Variants in CREB5 observed in about 807,000 individuals in gnomAD.
CREB5 encodes the protein cyclic AMP-responsive element-binding protein 5.
In CREB5, 19 loss-of-function variants were observed where a neutral mutation model predicts 57.1. That is an observed-to-expected ratio of 0.33 (90% CI 0.23 to 0.49). CREB5 has a LOEUF of 0.49. Among genes scored for constraint, CREB5 ranks in the 20% least tolerant of loss-of-function variants. CREB5 has a pLI of 0.99. For missense variants in CREB5, 579 were observed against 671.6 expected (o/e 0.86, Z 1.52); for synonymous variants, 238 against 238.3 (o/e 1.00, Z 0.01).
intron 4 of CREB5, among the ~76,000 whole-genome samples, chr7:28,514,453 T>C (rs2128610963): frequency 6.6e-6 from 1 of 152,318 alleles, no homozygotes; most frequent in Non-Finnish European, 1.5e-5. Flanking sequence ...TGGAGTGCAG[T>C]GGCGCCATCT....
intron 5 of CREB5, among the ~76,000 whole-genome samples, chr7:28,640,371 T>A (rs759223093): frequency 5.9e-5 from 9 of 152,214 alleles, no homozygotes; most frequent in Non-Finnish European, 1.2e-4. Flanking sequence ...AACACTATGA[T>A]ATTGGTGAAA....
At chr7:28,811,292 G>A (rs1809107132) in intron 9 of CREB5, among the ~76,000 whole-genome samples, 1 of 152,214 alleles carries the variant, frequency 6.6e-6, no homozygotes, top group South Asian at 2.1e-4. Flanking sequence ...AGGGAGTCAA[G>A]CCACCAGAGA....
chr7:28,387,535 C>T (rs955966637), intron 1 of CREB5, among the ~76,000 whole-genome samples: 10 of 151,886 alleles, frequency 6.6e-5, no homozygotes, highest in Middle Eastern at 3.2e-3. Flanking sequence ...GTTGTCTGTT[C>T]GTTCTGATGA....
At chr7:28,593,955 C>T (rs1295677246) in intron 5 of CREB5, among the ~76,000 whole-genome samples, 1 of 152,232 alleles carries the variant, frequency 6.6e-6, no homozygotes. Context: ...AGCCAAGTAA[C>T]CACTGGTGGG....
intron 4 of CREB5, among the ~76,000 whole-genome samples, chr7:28,551,552 G>A (rs1447309059): frequency 1.3e-5 from 2 of 152,136 alleles, no homozygotes; most frequent in African/African-American, 4.8e-5. Context: ...TTTGAGCTCT[G>A]GAAAGCTCTT....
chr7:28,650,138 A>G (rs749591714), intron 5 of CREB5, among the ~76,000 whole-genome samples: 8 of 152,170 alleles, frequency 5.3e-5, no homozygotes, highest in Non-Finnish European at 7.3e-5. Context: ...CTGAAAACAC[A>G]TAATCTAATG....
intron 3 of CREB5, among the ~76,000 whole-genome samples, chr7:28,501,493 T>C (rs1233178971): frequency 6.6e-6 from 1 of 152,224 alleles, no homozygotes; most frequent in Non-Finnish European, 1.5e-5. Context: ...GGCCTTGCTC[T>C]GCAGTATTCT....
chr7:28,419,568 C>T (rs1788158740), intron 1 of CREB5, among the ~76,000 whole-genome samples: 2 of 152,164 alleles, frequency 1.3e-5, no homozygotes, highest in Non-Finnish European at 1.5e-5. Context: ...AATATTCATA[C>T]ATATACATGC....
At chr7:28,314,078 G>A (rs1172261174) in intron 1 of CREB5, among the ~76,000 whole-genome samples, 1 of 152,186 alleles carries the variant, frequency 6.6e-6, no homozygotes, top group Non-Finnish European at 1.5e-5. Context: ...GCTTTGGCCA[G>A]GGTCTCATTT....
chr7:28,609,750 AC>A (rs1169193627), intron 5 of CREB5, among the ~76,000 whole-genome samples: 1 of 152,224 alleles, frequency 6.6e-6, no homozygotes, highest in Non-Finnish European at 1.5e-5. Context: ...AAGGTCGTGT[AC>A]TTGTCTGCTG....
Position 28,724,440 on chromosome 7 carries a change from T to C in CREB5, c.702+108T>C, listed in dbSNP as rs372298542. 4.4e-3 allele frequency: 3,990 copies of C among 901,590 alleles called. 20 individuals carry two copies. Among genetic ancestry groups the C allele is most frequent in the Non-Finnish European group, 5.5e-3 (3,146 of 574,018 alleles). The allele number at this position is 901,590 out of a possible 1,614,324, so 55.8% of individuals were successfully genotyped here. A position where few individuals can be genotyped will look rare whatever the true frequency, so the allele number is the denominator to read the frequency against. On this transcript the variant is annotated intron_variant, in intron 7 of 10. Transcript: ENST00000357727. ...GCTAGGTAGAGGGCTCCATCTTTGTTTTGGTGAATGAAAGGCAGTGCAGAG... is the reference window on the plus strand; with the variant it reads ...GCTAGGTAGAGGGCTCCATCTTTGTCTTGGTGAATGAAAGGCAGTGCAGAG...
intron 1 of CREB5, among the ~76,000 whole-genome samples, chr7:28,383,305 A>G (rs530175086): frequency 1.3e-5 from 2 of 152,214 alleles, no homozygotes; most frequent in Non-Finnish European, 2.9e-5. Context: ...AAGCAGCTAG[A>G]TCAGAAAAGT....
At chr7:28,776,337 C>CA (rs397720790) in intron 7 of CREB5, among the ~76,000 whole-genome samples, 53,103 of 113,498 alleles carry the variant, frequency 0.47, 10,399 homozygotes, top group East Asian at 0.75. Context: ...GACTCTGTCT[C>CA]AAAAAAAAAA....
At chr7:28,806,039 G>C (rs1156652781) in intron 8 of CREB5, among the ~76,000 whole-genome samples, 1 of 151,930 alleles carries the variant, frequency 6.6e-6, no homozygotes, top group African/African-American at 2.4e-5. Context: ...GTCAATGATG[G>C]GCAAATTGAT....
intron 7 of CREB5, among the ~76,000 whole-genome samples, chr7:28,732,218 C>T (rs1803683640): frequency 6.6e-6 from 1 of 152,130 alleles, no homozygotes; most frequent in South Asian, 2.1e-4. Flanking sequence ...ATTGTCTTCT[C>T]GGTTTTATTT....
At chr7:28,309,567 G>T (rs1290272907) in intron 1 of CREB5, among the ~76,000 whole-genome samples, 2 of 152,174 alleles carry the variant, frequency 1.3e-5, no homozygotes, top group African/African-American at 4.8e-5. Flanking sequence ...TGAGAGCCAG[G>T]CTGGTGTTGC....
intron 7 of CREB5, among the ~76,000 whole-genome samples, chr7:28,745,264 G>T (rs1431384402): frequency 2.6e-5 from 4 of 152,216 alleles, no homozygotes; most frequent in African/African-American, 4.8e-5. Flanking sequence ...GTTAACACAG[G>T]CTGGGGGAAG....
intron 1 of CREB5, among the ~76,000 whole-genome samples, chr7:28,421,602 G>C (rs1316523101): frequency 6.6e-6 from 1 of 151,952 alleles, no homozygotes; most frequent in Non-Finnish European, 1.5e-5. Context: ...GTAGCTAAAA[G>C]CTAGGCACGT....
intron 7 of CREB5, among the ~76,000 whole-genome samples, chr7:28,795,964 G>A (rs188097534): frequency 3.9e-5 from 6 of 152,030 alleles, no homozygotes; most frequent in Middle Eastern, 3.4e-3. Context: ...ATGTTGACCC[G>A]CTAGTCTCAA....
Sources: allele counts gnomAD v4.1 joint callset (sites outside exome capture counted in the v4.1 genomes callset), GRCh38; gene constraint gnomAD v4.1.1; transcripts MANE v1.5; gene names NCBI Gene and HGNC (gene_info 2026-07-23, HGNC 2026-07-21).